The following LRRC34 variants were observed in gnomAD, a reference collection of about 807,000 sequenced individuals.
The protein encoded by LRRC34 is leucine rich repeat containing 34.
In LRRC34, 44 loss-of-function variants were observed where a neutral mutation model predicts 48.5. The ratio of observed to expected loss-of-function variants is 0.91; its 90% CI spans 0.71 to 1.17. The LOEUF (loss-of-function observed/expected upper bound fraction) is 1.17, where lower values mean the gene tolerates loss of function less well. Among genes scored for constraint, LRRC34 ranks in the 50% most tolerant of loss-of-function variants. The pLI, the probability that LRRC34 is intolerant of heterozygous loss-of-function variation, is 0.00. For synonymous variants in LRRC34, 192 were observed against 197.6 expected (o/e 0.97, Z 0.24); for missense variants, 502 against 563.0 (o/e 0.89, Z 1.10).
intron 5 of LRRC34, 47 bp downstream of exon 5, chr3:169,806,801 T>C (rs368798514): frequency 9.9e-6 from 12 of 1,215,452 alleles, no homozygotes; most frequent in Non-Finnish European, 1.4e-5. Context: ...CTATCAGAAG[T>C]TAGAATTTCC....
rs1779286784 is a variant in LRRC34, at chr3:169,804,060, C to T, written c.650G>A (p.Cys217Tyr). Residue 217 changes from cysteine (C) to tyrosine (Y), a missense_variant, in exon 6 of 11, where the codon TGT becomes TAT. By Grantham distance (194) the Cys-to-Tyr change is radical. Coordinates refer to ENST00000446859, the MANE Select transcript of LRRC34 (RefSeq NM_001172779.2). ...SSLEKLDLGD[C>Y]DLGMQSVIAF... is the part of the protein sequence containing the mutation. ...CATAACCAGTTTACTCACCAGATCACAGTCACCCAGATCTAATTTCTCTAA... is the reference window on the plus strand; with the variant it reads ...CATAACCAGTTTACTCACCAGATCATAGTCACCCAGATCTAATTTCTCTAA... The T allele has an allele frequency of 1.3e-6, 2 of 1,585,744 alleles. No homozygotes were observed. The highest frequency in any genetic ancestry group is 2.3e-5 in the East Asian group (1 of 43,966).
chr3:169,812,590 G>GCAGC lies in LRRC34; in HGVS notation c.-43_-42insGCTG. ...CTTACAGTCCGCCTGCAGCTGTGAG[G>GCAGC]CGGCTACACGAGCCTCGGCGCCAGC... is the stretch of plus-strand genomic sequence containing the variant. On this transcript the variant is annotated 5_prime_UTR_variant, in exon 1 of 11. Transcript: ENST00000446859. The surrounding 1 kb of genome is among the most constrained non-coding windows in gnomAD (Gnocchi z 4.3). 1.4e-6 allele frequency: 2 copies of GCAGC among 1,427,806 alleles called. No individual in the cohort carries two copies. The highest frequency in any genetic ancestry group is 1.8e-6 in the Non-Finnish European group (2 of 1,098,046). 88.4% of individuals were successfully genotyped at this position (1,427,806 alleles called of 1,614,324 possible). A position where few individuals can be genotyped will look rare whatever the true frequency, so the allele number is the denominator to read the frequency against.
chr3:169,796,195 A>C lies in LRRC34; in HGVS notation c.1064+19T>G. ...ATTTGCTTTTCTGTTATTTTGATTAAATATAAAACCATACTAACGCTTTAA... is the reference window on the plus strand; with the variant it reads ...ATTTGCTTTTCTGTTATTTTGATTACATATAAAACCATACTAACGCTTTAA... On this transcript the variant is annotated intron_variant, in intron 9 of 10. Coordinates refer to ENST00000446859, the MANE Select transcript of LRRC34 (RefSeq NM_001172779.2). 1 of 1,565,434 alleles carries C rather than the reference A, an allele frequency of 6.4e-7. No homozygotes were observed. Among genetic ancestry groups the C allele is most frequent in the Non-Finnish European group, 8.6e-7 (1 of 1,164,588 alleles).
chr3:169,807,805 A>C, intron 2 of LRRC34, 96 bp from the exon 3 acceptor site: 1 of 1,277,394 alleles, frequency 7.8e-7, no homozygotes, highest in South Asian at 1.7e-5. Flanking sequence ...ATAAATAGTC[A>C]TATCACAGAT....
At position 169,812,538 on chromosome 3, in the gene LRRC34, T is replaced by TGCGCTGCCATGGCGACC. The variant is rs1314972010; in HGVS notation, c.-7_10dup (p.Gln4ArgfsTer90). On this transcript the variant is annotated frameshift_variant, in exon 1 of 11. Transcript: ENST00000446859. LOFTEE classifies it high-confidence loss of function. The surrounding 1 kb of genome is among the most constrained non-coding windows in gnomAD (Gnocchi z 4.3). The stretch of plus-strand genomic sequence containing the variant: ...CCTCTCACCCACTGGCCGCGGCGGC[T>TGCGCTGCCATGGCGACC]GCGCTGCCATGGCGACCGCGCGCGC... 1 of 1,497,820 alleles carries TGCGCTGCCATGGCGACC rather than the reference T, an allele frequency of 6.7e-7. No homozygotes were observed. Among genetic ancestry groups the TGCGCTGCCATGGCGACC allele is most frequent in the Non-Finnish European group, 8.8e-7 (1 of 1,131,588 alleles). The allele number at this position is 1,497,820 out of a possible 1,614,324, so 92.8% of individuals were successfully genotyped here.
rs754456739 is a variant in LRRC34 at position 169,806,829 on chromosome 3, G to C, written c.528+19C>G. 6.6e-7 allele frequency: 1 copy of C among 1,505,758 alleles called. No homozygotes were observed. The highest frequency in any genetic ancestry group is 9.2e-7 in the Non-Finnish European group (1 of 1,091,052). 93.3% of individuals were successfully genotyped at this position (1,505,758 alleles called of 1,614,324 possible). On this transcript the variant is annotated intron_variant, in intron 5 of 10. Coordinates refer to ENST00000446859, the MANE Select transcript of LRRC34 (RefSeq NM_001172779.2). ...GAATTTCCAAATACAATGTTAGTTTGAAATACATAAATGCTTACATGTAGC... is the reference window on the plus strand; with the variant it reads ...GAATTTCCAAATACAATGTTAGTTTCAAATACATAAATGCTTACATGTAGC...
rs183483428 is a variant in LRRC34 at position 169,804,747 on chromosome 3, T to A, written c.529-566A>T. 2.1e-3 allele frequency among the ~76,000 whole-genome samples: 319 copies of A among 152,314 alleles called. 3 individuals carry two copies. Among genetic ancestry groups the A allele is most frequent in the Admixed American group, 8.8e-3 (135 of 15,296 alleles). The stretch of plus-strand genomic sequence containing the variant: ...TATTAATAAACTTTCACTGGAAAAA[T>A]CTGTAAATTTATCTTAAGAAAATTA... On this transcript the variant is annotated intron_variant, in intron 5 of 10. Coordinates refer to ENST00000446859, the MANE Select transcript of LRRC34 (RefSeq NM_001172779.2).
chr3:169,796,694 A>G, intron 8 of LRRC34, 51 bp downstream of exon 8: 1 of 1,520,764 alleles, frequency 6.6e-7, no homozygotes, highest in South Asian at 1.2e-5. Flanking sequence ...ATTTATATAG[A>G]TTATTCCCAT....
intron 4 of LRRC34, 67 bp downstream of exon 4, chr3:169,807,359 T>A (rs1779413632): frequency 2.1e-6 from 3 of 1,395,834 alleles, no homozygotes; most frequent in Non-Finnish European, 3.1e-6. Context: ...GTGTTTTATG[T>A]GTGTGTCATT....
intron 10 of LRRC34, chr3:169,794,909 A>G (rs1778935499): frequency 6.6e-6 from 1 of 152,166 alleles, no homozygotes; most frequent in Non-Finnish European, 1.5e-5. Flanking sequence ...AGAATTATGG[A>G]TGTTTTTCTA....
chr3:169,805,060 A>C (rs1428155725), intron 5 of LRRC34, among the ~76,000 whole-genome samples: 1 of 152,220 alleles, frequency 6.6e-6, no homozygotes, highest in Non-Finnish European at 1.5e-5. Context: ...TAATAGTGTA[A>C]ATAATTATCA....
intron 6 of LRRC34, among the ~76,000 whole-genome samples, chr3:169,801,865 T>G (rs549471434): frequency 6.6e-6 from 1 of 152,332 alleles, no homozygotes; most frequent in African/African-American, 2.4e-5. Flanking sequence ...CAGGCTGGAG[T>G]GCAGTGGCAC....
intron 1 of LRRC34, among the ~76,000 whole-genome samples, chr3:169,810,836 G>C (rs1162937323): frequency 6.6e-6 from 1 of 152,184 alleles, no homozygotes; most frequent in African/African-American, 2.4e-5. Context: ...AGGCCGAGGC[G>C]AGCGGATCAC....
At position 169,807,475 on chromosome 3, in the gene LRRC34, T is replaced by C. The variant is rs368722671; in HGVS notation, c.395A>G (p.Tyr132Cys). ...CLYINGLDVG[Y>C]NLLCDVGAYY... ...TGCACCAACATCACATAGAAGGTTA[T>C]ATCCAACATCCAAACCTGAAGCACA... Residue 132 changes from tyrosine (Y) to cysteine (C), a missense_variant, in exon 4 of 11, where the codon TAT becomes TGT. Physicochemically the swap from Tyr to Cys is radical, Grantham distance 194 (BLOSUM62 -2). Transcript: ENST00000446859. 42 of 1,614,060 alleles carry C rather than the reference T, an allele frequency of 2.6e-5. No homozygotes were observed. In the African/African-American group the frequency reaches 5.2e-4, roughly 20 times the overall value.
chr3:169,795,427 A>C, intron 10 of LRRC34, 58 bp downstream of exon 10: 1 of 1,520,990 alleles, frequency 6.6e-7, no homozygotes, highest in Non-Finnish European at 8.9e-7. Context: ...ATAATATCTG[A>C]TGTTACAGAG....
chr3:169,798,171 C>T (rs951042779), intron 7 of LRRC34, among the ~76,000 whole-genome samples: 1 of 152,192 alleles, frequency 6.6e-6, no homozygotes, highest in Non-Finnish European at 1.5e-5. Context: ...GTGCCAGGCA[C>T]AGAGGACAAA....
intron 6 of LRRC34, 112 bp downstream of exon 6, chr3:169,803,940 CT>C: frequency 9.7e-7 from 1 of 1,028,962 alleles, no homozygotes; most frequent in Non-Finnish European, 1.3e-6. Flanking sequence ...GGAAAAACAC[CT>C]TTTCTCTGAT....
In LRRC34 at chr3:169,804,069, A is replaced by G; in HGVS notation, c.641T>C (p.Leu214Pro). 3.8e-6 allele frequency: 6 copies of G among 1,590,418 alleles called. No individual in the cohort carries two copies. The highest frequency in any genetic ancestry group is 5.1e-6 in the Non-Finnish European group (6 of 1,168,130). Residue 214 changes from leucine to proline, a missense_variant, in exon 6 of 11, where the codon CTG becomes CCG. Transcript: ENST00000446859. ...TTTACTCACCAGATCACAGTCACCCAGATCTAATTTCTCTAATGATGAATT... is the reference window on the plus strand; with the variant it reads ...TTTACTCACCAGATCACAGTCACCCGGATCTAATTTCTCTAATGATGAATT... ...QINSSLEKLD[L>P]GDCDLGMQSV...
Position 169,812,350 on chromosome 3 carries a change from C to G in LRRC34, c.139+60G>C. The G allele has an allele frequency of 6.8e-7, 1 of 1,476,178 alleles. No homozygotes were observed. Among genetic ancestry groups the G allele is most frequent in the Non-Finnish European group, 8.9e-7 (1 of 1,120,196 alleles). 91.4% of individuals were successfully genotyped at this position (1,476,178 alleles called of 1,614,324 possible). ...TGGGAGGACTCCTGCCGTGCGACCC[C>G]GGCGCCCCTCGCGCGTTTTGTCTGG... On this transcript the variant is annotated intron_variant, in intron 1 of 10. Transcript: ENST00000446859. The surrounding 1 kb of genome is among the most constrained non-coding windows in gnomAD (Gnocchi z 4.3).
Sources: gnomAD v4.1 joint callset for allele counts (sites outside exome capture counted in the v4.1 genomes callset) on GRCh38, gnomAD v4.1.1 for gene constraint, Gnocchi (gnomAD v3.1) non-coding constraint, MANE v1.5 for transcripts, NCBI Gene and HGNC (gene_info 2026-07-23, HGNC 2026-07-21) for gene names.